The following CASZ1 variants were observed in gnomAD, a reference collection of about 807,000 sequenced individuals.
The protein encoded by CASZ1 is zinc finger protein castor homolog 1.
CASZ1 carries 28 observed loss-of-function variants against 135.2 expected under a neutral mutation model. That is an observed-to-expected ratio of 0.21 (90% CI 0.15 to 0.28). The LOEUF (loss-of-function observed/expected upper bound fraction) is 0.28. Ranked by LOEUF, CASZ1 falls within the 10% of genes least tolerant of loss-of-function variation. The pLI is 1.00. For missense variants in CASZ1, 2,161 were observed against 2,453.3 expected (o/e 0.88, Z 2.52); for synonymous variants, 1,068 against 1,073.4 (o/e 0.99, Z 0.10).
chr1:10,756,967 C>T lies in CASZ1; in HGVS notation c.-77+3734G>A, dbSNP rs1040342063. ...CTTTTAGACCCAATCTCAGACCCAGCACAGAACCCAGGGAGCAAACACACA... is the reference window on the plus strand; with the variant it reads ...CTTTTAGACCCAATCTCAGACCCAGTACAGAACCCAGGGAGCAAACACACA... On this transcript the variant is annotated intron_variant, in intron 2 of 20. Transcript: ENST00000377022. This position sits in a 1 kb window ranked among gnomAD's most constrained non-coding sequence, Gnocchi z 5.9. Among the ~76,000 whole-genome samples, 1 of 152,214 alleles carries T rather than the reference C, an allele frequency of 6.6e-6. No homozygotes were observed. Among genetic ancestry groups the T allele is most frequent in the Non-Finnish European group, 1.5e-5 (1 of 68,046 alleles).
intron 8 of CASZ1, 42 bp downstream of exon 8, chr1:10,656,604 G>A (rs1388614425): frequency 2.1e-6 from 3 of 1,424,584 alleles, no homozygotes; most frequent in South Asian, 1.2e-5. Context: ...TCCATGCTGT[G>A]CTGGTGGCGG....
chr1:10,644,663 C>G (rs1464048709), intron 18 of CASZ1, among the ~76,000 whole-genome samples: 1 of 152,228 alleles, frequency 6.6e-6, no homozygotes, highest in Non-Finnish European at 1.5e-5. Context: ...GATGAGGTCC[C>G]AGGGCGGCTG....
intron 4 of CASZ1, among the ~76,000 whole-genome samples, chr1:10,675,621 C>A (rs1643543371): frequency 6.6e-6 from 1 of 152,112 alleles, no homozygotes; most frequent in South Asian, 2.1e-4. Context: ...ATTAGGAGAC[C>A]CTGCAGTTAA....
Position 10,719,411 on chromosome 1 carries a change from T to C in CASZ1, c.-76-13867A>G, listed in dbSNP as rs1200994457. Among the ~76,000 whole-genome samples the C allele has an allele frequency of 1.3e-5, 2 of 152,196 alleles. No individual in the cohort carries two copies. Among genetic ancestry groups the C allele is most frequent in the African/African-American group, 2.4e-5 (1 of 41,444 alleles). On this transcript the variant is annotated intron_variant, in intron 2 of 20. Transcript: ENST00000377022. This position sits in a 1 kb window ranked among gnomAD's most constrained non-coding sequence, Gnocchi z 4.0. Reference sequence around the variant, plus strand: ...CCTGCCCACGAACTGTGGAGAATGGTAGCCCAAGACAAGGGACCCTGAAAT... The same window carrying C: ...CCTGCCCACGAACTGTGGAGAATGGCAGCCCAAGACAAGGGACCCTGAAAT...
In CASZ1 at chr1:10,638,113, T is replaced by A. The variant is rs1642054937; in HGVS notation, c.*829A>T. On this transcript the variant is annotated 3_prime_UTR_variant, in exon 21 of 21. Coordinates refer to ENST00000377022, the MANE Select transcript of CASZ1 (RefSeq NM_001079843.3). This position sits in a 1 kb window ranked among gnomAD's most constrained non-coding sequence, Gnocchi z 5.9. ...TGCACTCTCACCACGCCTGCTTTCT[T>A]CCTTTTTGTTCTATGTAGAATAATA... The A allele has an allele frequency of 6.6e-6, 1 of 152,286 alleles. No individual in the cohort carries two copies. Among genetic ancestry groups the A allele is most frequent in the East Asian group, 2.0e-4 (1 of 5,032 alleles). The allele number at this position is 152,286 out of a possible 1,614,324, so 9.4% of individuals were successfully genotyped here.
At chr1:10,664,922 G>A (rs1022893717) in intron 5 of CASZ1, among the ~76,000 whole-genome samples, 161 bp downstream of exon 5, 17 of 145,104 alleles carry the variant, frequency 1.2e-4, no homozygotes, top group African/African-American at 2.0e-4. Flanking sequence ...GCCCCTCCCC[G>A]TCCTAGTCTC....
Position 10,739,282 on chromosome 1 carries a change from G to T in CASZ1, c.-77+21419C>A, listed in dbSNP as rs1188898771. ...TGTGCGCCTGGGGGTCACCCCTGCT[G>T]TCTCTCTGGGTAGGGGTGCAGGTGA... On this transcript the variant is annotated intron_variant, in intron 2 of 20. Coordinates refer to ENST00000377022, the MANE Select transcript of CASZ1 (RefSeq NM_001079843.3). The surrounding 1 kb of genome is among the most constrained non-coding windows in gnomAD (Gnocchi z 4.8). Among the ~76,000 whole-genome samples, 1 of 152,108 alleles carries T rather than the reference G, an allele frequency of 6.6e-6. No homozygotes were observed. Among genetic ancestry groups the T allele is most frequent in the Non-Finnish European group, 1.5e-5 (1 of 68,010 alleles).
chr1:10,674,166 G>A (rs1643491310), intron 4 of CASZ1, among the ~76,000 whole-genome samples: 1 of 152,204 alleles, frequency 6.6e-6, no homozygotes, highest in Non-Finnish European at 1.5e-5. Context: ...TGGTGCAGAA[G>A]TGCCTCTTCC....
rs531527937 is a variant in CASZ1 at position 10,700,022 on chromosome 1, A to AAG, written c.-24+5468_-24+5469dup. On this transcript the variant is annotated intron_variant, in intron 3 of 20. Coordinates refer to ENST00000377022, the MANE Select transcript of CASZ1 (RefSeq NM_001079843.3). The surrounding 1 kb of genome is among the most constrained non-coding windows in gnomAD (Gnocchi z 4.2). ...AGAGAGAGAGAAACAGAGACAGAGAAAGAGAGAGAGAGACAGAGAGAGAGA... is the reference window on the plus strand; with the variant it reads ...AGAGAGAGAGAAACAGAGACAGAGAAAGAGAGAGAGAGAGACAGAGAGAGAGA... Among the ~76,000 whole-genome samples the AAG allele has an allele frequency of 3.4e-5, 5 of 145,968 alleles. No individual in the cohort carries two copies. Among genetic ancestry groups the AAG allele is most frequent in the African/African-American group, 1.3e-4 (5 of 39,022 alleles).
In CASZ1 at chr1:10,638,782, C is replaced by T; in HGVS notation, c.*160G>A. 1.4e-6 allele frequency: 1 copy of T among 689,954 alleles called. No individual in the cohort carries two copies. The highest frequency in any genetic ancestry group is 1.8e-6 in the Non-Finnish European group (1 of 560,278). 42.7% of individuals were successfully genotyped at this position (689,954 alleles called of 1,614,324 possible). A position where few individuals can be genotyped will look rare whatever the true frequency, so the allele number is the denominator to read the frequency against. On this transcript the variant is annotated 3_prime_UTR_variant, in exon 21 of 21. Coordinates refer to ENST00000377022, the MANE Select transcript of CASZ1 (RefSeq NM_001079843.3). This position sits in a 1 kb window ranked among gnomAD's most constrained non-coding sequence, Gnocchi z 5.9. ...CACCGCCGCCGCCTGTGTCCTCGGC[C>T]GCGGAGCACCAGAGGGGTCCCCGCC...
intron 4 of CASZ1, among the ~76,000 whole-genome samples, chr1:10,678,779 G>A (rs1343155451): frequency 6.6e-6 from 1 of 151,872 alleles, no homozygotes; most frequent in Non-Finnish European, 1.5e-5. Flanking sequence ...CCTGACAGAC[G>A]CTATATCGCT....
chr1:10,676,731 G>A lies in CASZ1; in HGVS notation c.17-11160C>T, dbSNP rs1396938621. 2.0e-5 allele frequency among the ~76,000 whole-genome samples: 3 copies of A among 152,322 alleles called. No homozygotes were observed. Among genetic ancestry groups the A allele is most frequent in the South Asian group, 4.1e-4 (2 of 4,832 alleles). ...AGCCCCACAGTTTCCTGACGTGGAC[G>A]CCTTTGCTGGTTCCTCCACGTCCCA... is the stretch of plus-strand genomic sequence containing the variant. On this transcript the variant is annotated intron_variant, in intron 4 of 20. Coordinates refer to ENST00000377022, the MANE Select transcript of CASZ1 (RefSeq NM_001079843.3). This position sits in a 1 kb window ranked among gnomAD's most constrained non-coding sequence, Gnocchi z 4.5.
At chr1:10,652,655 C>A (rs1207721730) in intron 11 of CASZ1, 1 of 152,236 alleles carries the variant, frequency 6.6e-6, no homozygotes, top group Non-Finnish European at 1.5e-5. Flanking sequence ...GAGAACTGCG[C>A]CCCTCAGTGA....
chr1:10,640,750 G>A (rs751118919), intron 20 of CASZ1, among the ~76,000 whole-genome samples: 2 of 152,316 alleles, frequency 1.3e-5, no homozygotes, highest in Admixed American at 6.5e-5. Flanking sequence ...GCTCAGAGTC[G>A]TAATTTACCT....
rs1639066023 is a variant in CASZ1, at chr1:10,701,750, G to A, written c.-24+3742C>T. Among the ~76,000 whole-genome samples the A allele has an allele frequency of 6.6e-6, 1 of 152,184 alleles. No homozygotes were observed. The highest frequency in any genetic ancestry group is 2.4e-5 in the African/African-American group (1 of 41,434). ...TGGCAGCCTTGGCCGGGACGGACTG[G>A]GGCCAGGGCTCAGGCCTGGGGCTGA... On this transcript the variant is annotated intron_variant, in intron 3 of 20. Coordinates refer to ENST00000377022, the MANE Select transcript of CASZ1 (RefSeq NM_001079843.3). The surrounding 1 kb of genome is among the most constrained non-coding windows in gnomAD (Gnocchi z 6.3).
At chr1:10,748,442 C>T (rs2076491) in intron 2 of CASZ1, among the ~76,000 whole-genome samples, 4,677 of 152,328 alleles carry the variant, frequency 0.031, 119 homozygotes, top group East Asian at 0.13. Flanking sequence ...GTCCCAGGTC[C>T]GGTCACAGGC....
chr1:10,723,946 G>A (rs1391490541), intron 2 of CASZ1, among the ~76,000 whole-genome samples: 3 of 152,066 alleles, frequency 2.0e-5, no homozygotes, highest in South Asian at 2.1e-4. Context: ...GGTTCTTCCC[G>A]AGTCCAAACC....
At chr1:10,674,020 C>A (rs969650997) in intron 4 of CASZ1, among the ~76,000 whole-genome samples, 1 of 152,340 alleles carries the variant, frequency 6.6e-6, no homozygotes, top group South Asian at 2.1e-4. Flanking sequence ...GCTATGCAGA[C>A]GGACAGACTG....
chr1:10,660,051 T>C lies in CASZ1; in HGVS notation c.991A>G (p.Ser331Gly). Residue 331 changes from serine (S) to glycine (G), a missense_variant, in exon 6 of 21, where the codon AGC (serine) becomes GGC (glycine). Physicochemically the swap from Ser to Gly is moderately conservative, Grantham distance 56. This residue lies in a region of CASZ1 where 590 missense variants were observed against 609.8 expected (regional missense o/e 0.97). Coordinates refer to ENST00000377022, the MANE Select transcript of CASZ1 (RefSeq NM_001079843.3). ...TGENLRPQNGSTYKKPSKYDL... is the reference protein window; with the variant it reads ...TGENLRPQNGGTYKKPSKYDL... ...TACTTGGATGGCTTCTTGTAGGTGC[T>C]CCCGTTCTGGGGCCGCAGATTCTCG... The C allele has an allele frequency of 6.2e-7, 1 of 1,614,144 alleles. No homozygotes were observed. The highest frequency in any genetic ancestry group is 8.5e-7 in the Non-Finnish European group (1 of 1,180,012).
Sources: gnomAD v4.1 joint callset for allele counts (sites outside exome capture counted in the v4.1 genomes callset) on GRCh38, gnomAD v4.1.1 for gene constraint, gnomAD v4.1.1 regional missense constraint, Gnocchi (gnomAD v3.1) non-coding constraint, MANE v1.5 for transcripts, NCBI Gene and HGNC (gene_info 2026-07-23, HGNC 2026-07-21) for gene names.